CSMD2: variants seen among roughly 807,000 people sequenced by gnomAD.
CSMD2 encodes the protein CUB and sushi domain-containing protein 2.
In CSMD2, 130 loss-of-function variants were observed where a neutral mutation model predicts 398.5. The observed-to-expected ratio is 0.33, with a 90% CI of 0.28 to 0.38. The LOEUF (loss-of-function observed/expected upper bound fraction) is 0.38. CSMD2 is among the 10% of genes least tolerant of loss of function. The pLI is 1.00. For missense variants in CSMD2, 3,829 were observed against 4,764.9 expected, an observed-to-expected ratio of 0.80 and a Z score of 5.78; for synonymous variants, 1,828 against 1,908.5, an observed-to-expected ratio of 0.96 and a Z score of 1.10.
At chr1:33,907,300 T>G (rs539665250) in intron 5 of CSMD2, among the ~76,000 whole-genome samples, 3 of 151,414 alleles carry the variant, frequency 2.0e-5, no homozygotes, top group Admixed American at 2.0e-4. Context: ...TTTTTTTTTT[T>G]GTATTTTTAG....
At chr1:33,938,311 T>C (rs1469633379) in intron 3 of CSMD2, among the ~76,000 whole-genome samples, 1 of 151,098 alleles carries the variant, frequency 6.6e-6, no homozygotes, top group Non-Finnish European at 1.5e-5. Context: ...ATTTATCATA[T>C]TCCCCTGCTG....
chr1:33,997,621 A>G (rs1646768063), intron 3 of CSMD2, among the ~76,000 whole-genome samples: 2 of 152,148 alleles, frequency 1.3e-5, no homozygotes, highest in Admixed American at 1.3e-4. Flanking sequence ...TTAGGTCTTA[A>G]AACCCATTAG....
intron 5 of CSMD2, among the ~76,000 whole-genome samples, chr1:33,888,445 A>G (rs1164391941): frequency 6.6e-6 from 1 of 152,210 alleles, no homozygotes; most frequent in African/African-American, 2.4e-5. Flanking sequence ...TAGAAGAAAA[A>G]GTCCAGTTGT....
At chr1:33,754,323 T>C (rs147062643) in intron 13 of CSMD2, among the ~76,000 whole-genome samples, 1 of 152,174 alleles carries the variant, frequency 6.6e-6, no homozygotes, top group Non-Finnish European at 1.5e-5. Flanking sequence ...TTTAAAAGAA[T>C]GTGGTACCTA....
intron 15 of CSMD2, among the ~76,000 whole-genome samples, chr1:33,738,227 GAGA>G (rs1175110323): frequency 6.6e-6 from 1 of 152,174 alleles, no homozygotes; most frequent in Non-Finnish European, 1.5e-5. Flanking sequence ...CATGAAATGT[GAGA>G]AGAAGGTTTC....
intron 2 of CSMD2, among the ~76,000 whole-genome samples, chr1:34,080,921 G>GGAAAGAAAGAAACAAA (rs1553307442): frequency 8.0e-6 from 1 of 125,088 alleles, no homozygotes; most frequent in Non-Finnish European, 1.7e-5. Flanking sequence ...CTAACTGAGT[G>GGAAAGAAAGAAACAAA]GAAAGAAAGA....
Position 33,633,514 on chromosome 1 carries a change from A to G in CSMD2, c.5108T>C (p.Phe1703Ser), listed in dbSNP as rs747385701. Residue 1703 changes from phenylalanine to serine, a missense_variant, in exon 32 of 71, where the codon TTC becomes TCC. Physicochemically the swap from Phe to Ser is radical, Grantham distance 155. Coordinates refer to ENST00000373381, the MANE Select transcript of CSMD2 (RefSeq NM_001281956.2). The surrounding 1 kb of genome is among the most constrained non-coding windows in gnomAD (Gnocchi z 5.0). ...CACGTCGTTGAGGGCCGTGTGAAAG[A>G]AGGCGAACTGGCCAAACACCACTGT... is the stretch of plus-strand genomic sequence containing the variant. ...KDYVVFGQFA[F>S]FHTALNDVVE... The G allele has an allele frequency of 2.6e-6, 4 of 1,552,744 alleles. No individual in the cohort carries two copies. Among genetic ancestry groups the G allele is most frequent in the Non-Finnish European group, 2.6e-6 (3 of 1,147,464 alleles).
At chr1:34,137,669 C>T (rs747976133) in intron 1 of CSMD2, among the ~76,000 whole-genome samples, 2 of 152,208 alleles carry the variant, frequency 1.3e-5, no homozygotes, top group Non-Finnish European at 2.9e-5. Flanking sequence ...CCCAACCTGG[C>T]TAAAGCAACT....
chr1:33,767,351 T>C (rs1650638622), intron 13 of CSMD2, among the ~76,000 whole-genome samples: 1 of 152,214 alleles, frequency 6.6e-6, no homozygotes, highest in Admixed American at 6.5e-5. Context: ...TTTAAACTTG[T>C]AGATTTATTT....
chr1:33,533,260 G>T lies in CSMD2; in HGVS notation c.9992-31C>A. On this transcript the variant is annotated intron_variant, in intron 63 of 70. Transcript: ENST00000373381. The surrounding 1 kb of genome is among the most constrained non-coding windows in gnomAD (Gnocchi z 4.2). ...TGAGAGGAAAGACCCTGTTGGACTG[G>T]AGGAGATTAGGGGCTTCAGGGGCCC... 1 of 1,607,332 alleles carries T rather than the reference G, an allele frequency of 6.2e-7. No individual in the cohort carries two copies.
At chr1:33,632,160 C>T (rs2148904313) in intron 32 of CSMD2, among the ~76,000 whole-genome samples, 1 of 151,802 alleles carries the variant, frequency 6.6e-6, no homozygotes, top group East Asian at 1.9e-4. Flanking sequence ...AAAATAAATT[C>T]CAAAGGTATT....
chr1:34,099,895 GAGGAT>G lies in CSMD2; in HGVS notation c.188-10707_188-10703del, dbSNP rs1457676898. Among the ~76,000 whole-genome samples, 5 of 152,220 alleles carry G rather than the reference GAGGAT, an allele frequency of 3.3e-5. No individual in the cohort carries two copies. The South Asian group carries it at 6.2e-4, about 19-fold the overall frequency. On this transcript the variant is annotated intron_variant, in intron 1 of 70. Coordinates refer to ENST00000373381, the MANE Select transcript of CSMD2 (RefSeq NM_001281956.2). ...GATCAATTTCAGCAAAGGCAGGTGG[GAGGAT>G]GGCAAGGTGGAAAGAGGGCAGATTG...
intron 64 of CSMD2, among the ~76,000 whole-genome samples, chr1:33,530,184 C>T (rs1655112816): frequency 6.6e-6 from 1 of 152,038 alleles, no homozygotes; most frequent in Non-Finnish European, 1.5e-5. Flanking sequence ...GTTTGCAAAC[C>T]ACACATCTGG....
At chr1:33,541,526 GCA>G (rs1350556346) in intron 58 of CSMD2, among the ~76,000 whole-genome samples, 1 of 152,120 alleles carries the variant, frequency 6.6e-6, no homozygotes, top group Non-Finnish European at 1.5e-5. Flanking sequence ...GAGTGCAGAG[GCA>G]CAGTCATGGC....
In CSMD2 at chr1:34,163,005, C is replaced by A. The variant is rs1288104365; in HGVS notation, c.187+1906G>T. On this transcript the variant is annotated intron_variant, in intron 1 of 70. Transcript: ENST00000373381. The surrounding 1 kb of genome is among the most constrained non-coding windows in gnomAD (Gnocchi z 5.4). ...AACTTCTCTACTGAGCAAGGAGCTG[C>A]GAGCAAATGGATCTCTATAGGGCAG... 6.6e-6 allele frequency among the ~76,000 whole-genome samples: 1 copy of A among 152,254 alleles called. No individual in the cohort carries two copies. The highest frequency in any genetic ancestry group is 1.5e-5 in the Non-Finnish European group (1 of 68,050).
chr1:33,875,382 AT>A (rs1284553394), intron 5 of CSMD2: 1 of 152,250 alleles, frequency 6.6e-6, no homozygotes, highest in Non-Finnish European at 1.5e-5. Flanking sequence ...TGTCATGCTC[AT>A]GACTGACATG....
intron 4 of CSMD2, among the ~76,000 whole-genome samples, chr1:33,918,591 C>T (rs546289764): frequency 2.6e-5 from 4 of 152,222 alleles, no homozygotes; most frequent in South Asian, 4.2e-4. Context: ...TAAGCAGAGA[C>T]ATATGAACGT....
intron 3 of CSMD2, among the ~76,000 whole-genome samples, chr1:33,939,388 T>G (rs1402004119): frequency 6.6e-6 from 1 of 152,108 alleles, no homozygotes; most frequent in Non-Finnish European, 1.5e-5. Flanking sequence ...TGTGTGCTTA[T>G]GAGTGTGGGG....
rs1315850781 is a variant in CSMD2 at position 33,656,307 on chromosome 1, C to T, written c.4447+1639G>A. Among the ~76,000 whole-genome samples the T allele has an allele frequency of 2.6e-5, 4 of 152,270 alleles. No individual in the cohort carries two copies. In the East Asian group the frequency reaches 5.8e-4, roughly 22 times the overall value. ...AGTTGAAGTAATTTCCCAAGGTCAC[C>T]AAAGTAGTAAATGGCAGAGCTAGAA... is the stretch of plus-strand genomic sequence containing the variant. On this transcript the variant is annotated intron_variant, in intron 27 of 70. Coordinates refer to ENST00000373381, the MANE Select transcript of CSMD2 (RefSeq NM_001281956.2).
Sources: gnomAD v4.1 joint callset for allele counts (sites outside exome capture counted in the v4.1 genomes callset) on GRCh38, gnomAD v4.1.1 for gene constraint, Gnocchi (gnomAD v3.1) non-coding constraint, MANE v1.5 for transcripts, NCBI Gene and HGNC (gene_info 2026-07-23, HGNC 2026-07-21) for gene names.